Variants in GRIN2C observed in about 807,000 individuals in gnomAD.
The protein encoded by GRIN2C is glutamate receptor ionotropic, NMDA 2C.
In GRIN2C, 64 loss-of-function variants were observed where a neutral mutation model predicts 77.7. That is an observed-to-expected ratio of 0.82 (90% CI 0.67 to 1.01). The LOEUF (loss-of-function observed/expected upper bound fraction) is 1.01. Among genes scored for constraint, GRIN2C ranks in the 50% least tolerant of loss-of-function variants. The pLI is 0.00. For synonymous variants in GRIN2C, 792 were observed against 643.4 expected (o/e 1.23, Z -3.49); for missense variants, 1,549 against 1,486.0 (o/e 1.04, Z -0.70).
rs1351307897 is a variant in GRIN2C at position 74,847,511 on chromosome 17, C to T, written c.1798G>A (p.Gly600Ser). The change falls in exon 9 of 13, where the codon GGC becomes AGC. Residue 600 changes from glycine (G) to serine (S), a missense_variant. Physicochemically the swap from Gly to Ser is moderately conservative, Grantham distance 56 (BLOSUM62 0). Around this residue, in one of 3 missense-constraint regions of GRIN2C, gnomAD observed 717 missense variants for 858.1 expected, o/e 0.84. Coordinates refer to ENST00000293190, the MANE Select transcript of GRIN2C (RefSeq NM_000835.6). The surrounding 1 kb of genome is among the most constrained non-coding windows in gnomAD (Gnocchi z 5.2). ...GCCCACAGCAGCCACACGGACTTGC[C>T]GATAGTGAAAGCTGGGCCCCCGGAC... is the stretch of plus-strand genomic sequence containing the variant. ...KKSGGPAFTI[G>S]KSVWLLWALV... 4 of 1,613,658 alleles carry T rather than the reference C, an allele frequency of 2.5e-6. No homozygotes were observed. Among genetic ancestry groups the T allele is most frequent in the East Asian group, 2.2e-5 (1 of 44,866 alleles).
At chr17:74,860,129 C>A (rs557729255), upstream of GRIN2C, among the ~76,000 whole-genome samples, 8 of 152,086 alleles carry the variant, frequency 5.3e-5, no homozygotes, top group African/African-American at 1.9e-4. Flanking sequence ...GGGCCCTGGG[C>A]GAACCCAGGT....
chr17:74,856,547 C>T (rs999788786), intron 1 of GRIN2C, among the ~76,000 whole-genome samples: 6 of 148,558 alleles, frequency 4.0e-5, no homozygotes, highest in African/African-American at 1.2e-4. Flanking sequence ...GGTGCGATCT[C>T]GGCTCACTGC....
At chr17:74,852,679 CG>C (rs1333941444) in intron 2 of GRIN2C, 68 bp from the exon 3 acceptor site, 1 of 721,752 alleles carries the variant, frequency 1.4e-6, no homozygotes, top group African/African-American at 1.9e-5. Flanking sequence ...TCCCCGACCT[CG>C]GCCCCTCCAT....
chr17:74,844,661 T>C (rs1323702140), intron 11 of GRIN2C, among the ~76,000 whole-genome samples, 153 bp from the exon 12 acceptor site: 4 of 152,112 alleles, frequency 2.6e-5, no homozygotes, highest in Non-Finnish European at 5.9e-5. Flanking sequence ...CCAGCCTGGC[T>C]GGAGCAGGAT....
Position 74,852,396 on chromosome 17 carries a change from C to A in GRIN2C, c.615G>T (p.Pro205=). The change falls in exon 3 of 13, where the codon CCG becomes CCT. Residue 205 remains proline, a synonymous_variant. Transcript: ENST00000293190. ...LLDVVTLELG[P]GGPRARTQRL... Reference sequence around the variant, plus strand: ...GCTGCGTGCGCGCGCGCGGCCCTCCCGGGCCCAGCTCCAGCGTGACCACGT... The same window carrying A: ...GCTGCGTGCGCGCGCGCGGCCCTCCAGGGCCCAGCTCCAGCGTGACCACGT... 1.4e-6 allele frequency: 2 copies of A among 1,459,132 alleles called. No homozygotes were observed. The highest frequency in any genetic ancestry group is 3.0e-5 in the African/African-American group (2 of 67,728). The allele number at this position is 1,459,132 out of a possible 1,614,324, so 90.4% of individuals were successfully genotyped here.
At position 74,846,775 on chromosome 17, in the gene GRIN2C, G is replaced by T; in HGVS notation, c.2147C>A (p.Thr716Asn). 1 of 1,613,882 alleles carries T rather than the reference G, an allele frequency of 6.2e-7. No individual in the cohort carries two copies. Among genetic ancestry groups the T allele is most frequent in the Non-Finnish European group, 8.5e-7 (1 of 1,179,888 alleles). The change falls in exon 10 of 13, where the codon ACC (threonine) becomes AAC (asparagine). Residue 716 changes from threonine (T) to asparagine (N), a missense_variant. Coordinates refer to ENST00000293190, the MANE Select transcript of GRIN2C (RefSeq NM_000835.6). The surrounding 1 kb of genome is among the most constrained non-coding windows in gnomAD (Gnocchi z 4.4). ...FNQRSVEDALTSLKMGKLDAF... is the reference protein window; with the variant it reads ...FNQRSVEDALNSLKMGKLDAF... Reference sequence around the variant, plus strand: ...GGGGACCCACCCCATCTTGAGGCTGGTGAGCGCGTCCTCCACCGAGCGCTG... The same window carrying T: ...GGGGACCCACCCCATCTTGAGGCTGTTGAGCGCGTCCTCCACCGAGCGCTG...
At position 74,850,333 on chromosome 17, in the gene GRIN2C, T is replaced by G; in HGVS notation, c.1364A>C (p.Lys455Thr). The G allele has an allele frequency of 1.9e-6, 3 of 1,613,664 alleles. No individual in the cohort carries two copies. The highest frequency in any genetic ancestry group is 2.5e-6 in the Non-Finnish European group (3 of 1,179,944). ...DVAPYTKLCC[K>T]GFCIDILKKL... ...CTTGAGGATGTCGATGCAGAATCCC[T>G]TACAGCAGAGCTTGGTGTAGGGGGC... is the stretch of plus-strand genomic sequence containing the variant. The change falls in exon 6 of 13, where the codon AAG (lysine) becomes ACG (threonine). Residue 455 changes from lysine (K) to threonine (T), a missense_variant. Lys to Thr is a moderately conservative substitution (Grantham distance 78, BLOSUM62 -1). Around this residue, in one of 3 missense-constraint regions of GRIN2C, gnomAD observed 717 missense variants for 858.1 expected, o/e 0.84. Transcript: ENST00000293190. This position sits in a 1 kb window ranked among gnomAD's most constrained non-coding sequence, Gnocchi z 5.3.
upstream of GRIN2C, among the ~76,000 whole-genome samples, chr17:74,860,996 C>T (rs1457654983): frequency 6.6e-6 from 1 of 152,206 alleles, no homozygotes; most frequent in Non-Finnish European, 1.5e-5. Context: ...CCAGCCCCGG[C>T]CCCCACTCCC....
intron 3 of GRIN2C, 50 bp from the exon 4 acceptor site, chr17:74,851,741 CT>C (rs1429504475): frequency 2.6e-5 from 30 of 1,138,778 alleles, no homozygotes; most frequent in Non-Finnish European, 3.7e-5. Context: ...CAGGCACCCC[CT>C]GCCTCTGCCT....
At position 74,850,306 on chromosome 17, in the gene GRIN2C, T is replaced by C; in HGVS notation, c.1391A>G (p.Lys464Arg). The stretch of plus-strand genomic sequence containing the variant: ...GGAGAATTTGACCACTCTGGCCAGC[T>C]TCTTGAGGATGTCGATGCAGAATCC... ...CKGFCIDILK[K>R]LARVVKFSYD... The change falls in exon 6 of 13, where the codon AAG becomes AGG. Residue 464 changes from lysine to arginine, a missense_variant. By Grantham distance (26) the Lys-to-Arg change is conservative (BLOSUM62 2). This residue lies in a region of GRIN2C where 717 missense variants were observed against 858.1 expected (regional missense o/e 0.84). Coordinates refer to ENST00000293190, the MANE Select transcript of GRIN2C (RefSeq NM_000835.6). This position sits in a 1 kb window ranked among gnomAD's most constrained non-coding sequence, Gnocchi z 5.3. 2 of 1,613,804 alleles carry C rather than the reference T, an allele frequency of 1.2e-6. No homozygotes were observed. Among genetic ancestry groups the C allele is most frequent in the Non-Finnish European group, 1.7e-6 (2 of 1,179,942 alleles).
chr17:74,858,691 C>T (rs1190251927), intron 1 of GRIN2C, among the ~76,000 whole-genome samples: 1 of 150,274 alleles, frequency 6.7e-6, no homozygotes, highest in Non-Finnish European at 1.5e-5. Context: ...CACAGGACAG[C>T]TACACCCTGG....
rs532790354 is a variant in GRIN2C at position 74,846,691 on chromosome 17, T to C, written c.2162+69A>G. ...ACAGCCCAGTCCCACTGTCCCCACA[T>C]TGAGAGCTAAGGCTGGTCACTGGGG... On this transcript the variant is annotated intron_variant, in intron 10 of 12. Coordinates refer to ENST00000293190, the MANE Select transcript of GRIN2C (RefSeq NM_000835.6). This position sits in a 1 kb window ranked among gnomAD's most constrained non-coding sequence, Gnocchi z 4.4. 48 of 1,488,668 alleles carry C rather than the reference T, an allele frequency of 3.2e-5. 1 individual carries two copies. In the South Asian group the frequency reaches 4.4e-4, roughly 14 times the overall value. The allele number at this position is 1,488,668 out of a possible 1,614,324, so 92.2% of individuals were successfully genotyped here.
chr17:74,846,720 C>A lies in GRIN2C; in HGVS notation c.2162+40G>T. On this transcript the variant is annotated intron_variant, in intron 10 of 12. Transcript: ENST00000293190. The surrounding 1 kb of genome is among the most constrained non-coding windows in gnomAD (Gnocchi z 4.4). ...GAGCTAAGGCTGGTCACTGGGGAGA[C>A]ACACGGATGAAGACAGCGGGTGCAG... is the stretch of plus-strand genomic sequence containing the variant. 6.3e-7 allele frequency: 1 copy of A among 1,594,278 alleles called. No homozygotes were observed. Among genetic ancestry groups the A allele is most frequent in the Non-Finnish European group, 8.6e-7 (1 of 1,167,790 alleles).
Position 74,844,407 on chromosome 17 carries a change from C to T in GRIN2C, c.2452G>A (p.Val818Ile), listed in dbSNP as rs140182608. 7.4e-6 allele frequency: 12 copies of T among 1,614,078 alleles called. No individual in the cohort carries two copies. The highest frequency in any genetic ancestry group is 8.5e-6 in the Non-Finnish European group (10 of 1,180,038). The change falls in exon 12 of 13, where the codon GTC (valine) becomes ATC (isoleucine). Residue 818 changes from valine to isoleucine, a missense_variant. Physicochemically the swap from Val to Ile is conservative, Grantham distance 29. Around this residue, in one of 3 missense-constraint regions of GRIN2C, gnomAD observed 717 missense variants for 858.1 expected, o/e 0.84. Coordinates refer to ENST00000293190, the MANE Select transcript of GRIN2C (RefSeq NM_000835.6). Reference protein sequence around the residue: ...SKLDIDNMAGVFYMLLVAMGL... With the variant: ...SKLDIDNMAGIFYMLLVAMGL... The stretch of plus-strand genomic sequence containing the variant: ...ATGGCCACCAGCAGCATGTAGAAGA[C>T]GCCTGCCATGTTGTCGATGTCCAGC...
At chr17:74,858,859 TC>T (rs1210203412) in intron 1 of GRIN2C, among the ~76,000 whole-genome samples, 1 of 151,852 alleles carries the variant, frequency 6.6e-6, no homozygotes, top group East Asian at 1.9e-4. Flanking sequence ...CGTTCCAGCA[TC>T]CCCCAGGCTG....
intron 12 of GRIN2C, 171 bp downstream of exon 12, chr17:74,844,105 C>G: frequency 7.5e-7 from 1 of 1,331,840 alleles, no homozygotes; most frequent in Non-Finnish European, 9.9e-7. Flanking sequence ...AACTTCTGGA[C>G]TCAAGGGATC....
At chr17:74,848,699 C>CA (rs61135807) in intron 7 of GRIN2C, among the ~76,000 whole-genome samples, 53 of 150,114 alleles carry the variant, frequency 3.5e-4, no homozygotes, top group African/African-American at 1.1e-3. Flanking sequence ...GACTCATTCT[C>CA]AAAAAAAAAG....
chr17:74,842,910 C>A lies in GRIN2C; in HGVS notation c.3227G>T (p.Arg1076Leu), dbSNP rs1469002771. The A allele has an allele frequency of 5.3e-6, 3 of 569,966 alleles. No individual in the cohort carries two copies. The African/African-American group carries it at 5.9e-5, about 11-fold the overall frequency. 35.3% of individuals were successfully genotyped at this position (569,966 alleles called of 1,614,324 possible). ...GCTGGGCAGGGAAGCGTGACGCGGG[C>A]GCGAGCCCCGGGCCCAGGCCGCGTG... Reference protein sequence around the residue: ...LLHAAWARGSRPRHASLPSSV... With the variant: ...LLHAAWARGSLPRHASLPSSV... The change falls in exon 13 of 13, where the codon CGC becomes CTC. Residue 1076 changes from arginine to leucine, a missense_variant. Transcript: ENST00000293190.
chr17:74,844,594 G>C, intron 11 of GRIN2C, 86 bp from the exon 12 acceptor site: 1 of 1,529,162 alleles, frequency 6.5e-7, no homozygotes, highest in Non-Finnish European at 8.8e-7. Flanking sequence ...CCTGGAGTAA[G>C]AAGGGATCTG....
Sources: allele counts gnomAD v4.1 joint callset (sites outside exome capture counted in the v4.1 genomes callset), GRCh38; gene constraint gnomAD v4.1.1; regional missense constraint gnomAD v4.1.1; non-coding constraint Gnocchi (gnomAD v3.1); transcripts MANE v1.5; gene names NCBI Gene and HGNC (gene_info 2026-07-23, HGNC 2026-07-21).